Variants in SOX5 observed in about 807,000 individuals in gnomAD.
The protein encoded by SOX5 is transcription factor SOX-5.
SOX5 carries 9 observed loss-of-function variants against 92.0 expected under a neutral mutation model. The ratio of observed to expected loss-of-function variants is 0.10; its 90% CI spans 0.06 to 0.17. SOX5 has a LOEUF of 0.17. Among genes scored for constraint, SOX5 ranks in the 10% least tolerant of loss-of-function variants. The probability of loss-of-function intolerance (pLI) is 1.00; values close to 1 mark genes in which losing one functional copy is unlikely to be tolerated. For synonymous variants in SOX5, 344 were observed against 336.3 expected (o/e 1.02, Z -0.25); for missense variants, 642 against 944.5 (o/e 0.68, Z 4.20).
intron 2 of SOX5, among the ~76,000 whole-genome samples, chr12:24,296,645 A>G (rs1299445971): frequency 1.3e-5 from 2 of 152,162 alleles, no homozygotes; most frequent in Non-Finnish European, 2.9e-5. Context: ...GAGAATTCTG[A>G]TAATTCAACT....
intron 7 of SOX5, among the ~76,000 whole-genome samples, chr12:23,663,518 G>C (rs999557216): frequency 2.6e-5 from 4 of 151,892 alleles, no homozygotes; most frequent in African/African-American, 9.7e-5. Flanking sequence ...TTTGCTAATG[G>C]GACTTACTTC....
In SOX5 at chr12:24,213,823, C is replaced by T. The variant is rs147490323; in HGVS notation, c.-76-406G>A. On this transcript the variant is annotated intron_variant, in intron 3 of 4. Coordinates refer to the SOX5 transcript ENST00000446891. ...AAAGTCATCATATGATTAATTCAGC[C>T]ATGTGAGCATGCATGTGTGATGCAC... Among the ~76,000 whole-genome samples, 319 of 152,150 alleles carry T rather than the reference C, an allele frequency of 2.1e-3. 1 individual carries two copies. Among genetic ancestry groups the T allele is most frequent in the South Asian group, 9.3e-3 (45 of 4,822 alleles).
rs1426575520 is a variant in SOX5, at chr12:23,570,946, T to C, written c.1342+4715A>G. ...AAAAAAAAAAATATATATATATATA[T>C]ATATATATATATATATATATATATA... On this transcript the variant is annotated intron_variant, in intron 10 of 14. Coordinates refer to ENST00000451604, the MANE Select transcript of SOX5 (RefSeq NM_006940.6). 9.9e-3 allele frequency among the ~76,000 whole-genome samples: 78 copies of C among 7,892 alleles called. 14 individuals are homozygous for C. Among genetic ancestry groups the C allele is most frequent in the Non-Finnish European group, 0.017 (55 of 3,196 alleles). The allele number at this position is 7,892 out of a possible 152,430, so 5.2% of individuals were successfully genotyped here. A position where few individuals can be genotyped will look rare whatever the true frequency, so the allele number is the denominator to read the frequency against.
intron 1 of SOX5, among the ~76,000 whole-genome samples, chr12:24,435,770 GTT>G (rs1939301118): frequency 6.6e-6 from 1 of 151,590 alleles, no homozygotes; most frequent in African/African-American, 2.4e-5. Context: ...TTGTTTTTTT[GTT>G]TTCTTTTTAA....
Position 24,556,524 on chromosome 12 carries a change from G to A in SOX5, c.-251+5805C>T, listed in dbSNP as rs181585366. On this transcript the variant is annotated intron_variant, in intron 1 of 4. Transcript: ENST00000446891. ...CTCAGATGGATTTCTTTTTCCACAC[G>A]GACTTTCTGTTTATCCACAGGTACT... 5.9e-3 allele frequency among the ~76,000 whole-genome samples: 898 copies of A among 152,204 alleles called. 12 individuals are homozygous for A. The highest frequency in any genetic ancestry group is 0.019 in the African/African-American group (772 of 41,518).
chr12:23,846,329 T>C, intron 2 of SOX5, 136 bp from the exon 3 acceptor site: 2 of 696,916 alleles, frequency 2.9e-6, no homozygotes, highest in East Asian at 2.7e-5. Flanking sequence ...AAATTGGTTA[T>C]ATGGCTTATT....
intron 3 of SOX5, among the ~76,000 whole-genome samples, chr12:23,844,493 T>C (rs1262349186): frequency 1.3e-5 from 2 of 152,108 alleles, no homozygotes; most frequent in Non-Finnish European, 2.9e-5. Context: ...CCTGCAGCCA[T>C]GACTTCATGC....
At position 24,126,771 on chromosome 12, in the gene SOX5, T is replaced by A. The variant is rs538163295; in HGVS notation, c.-2+86572A>T. ...GCTCTCCACCTTGTCACTGGGCATGTTTGGTCTCTGCTGCCCTCGGGACTC... is the reference window on the plus strand; with the variant it reads ...GCTCTCCACCTTGTCACTGGGCATGATTGGTCTCTGCTGCCCTCGGGACTC... On this transcript the variant is annotated intron_variant, in intron 4 of 4. Coordinates refer to the SOX5 transcript ENST00000446891. 4.6e-5 allele frequency among the ~76,000 whole-genome samples: 7 copies of A among 152,270 alleles called. No homozygotes were observed. The South Asian group carries it at 1.5e-3, about 32-fold the overall frequency.
chr12:23,850,036 G>C (rs1402315711), intron 2 of SOX5, among the ~76,000 whole-genome samples: 2 of 152,152 alleles, frequency 1.3e-5, no homozygotes, highest in Non-Finnish European at 2.9e-5. Flanking sequence ...CATAGAGGTA[G>C]CATAAGATGA....
Position 23,534,419 on chromosome 12 carries a change from C to T in SOX5, c.2092G>A (p.Val698Met), listed in dbSNP as rs141628352. ...SPHLPSEHSS[V>M]SSSPEPGMPV... ...ATCCCAGGCTCTGGGCTGCTAGACACGCTTGAGTGCTCCGAGGGCAGGTGA... is the reference window on the plus strand; with the variant it reads ...ATCCCAGGCTCTGGGCTGCTAGACATGCTTGAGTGCTCCGAGGGCAGGTGA... The change falls in exon 15 of 15, where the codon GTG becomes ATG. Residue 698 changes from valine (V) to methionine (M), a missense_variant. By Grantham distance (21) the Val-to-Met change is conservative. This residue lies in a region of SOX5 where 130 missense variants were observed against 140.6 expected (regional missense o/e 0.92). Coordinates refer to ENST00000451604, the MANE Select transcript of SOX5 (RefSeq NM_006940.6). 394 of 1,613,976 alleles carry T rather than the reference C, an allele frequency of 2.4e-4. No individual in the cohort carries two copies. Among genetic ancestry groups the T allele is most frequent in the South Asian group, 4.0e-4 (36 of 91,066 alleles).
intron 4 of SOX5, among the ~76,000 whole-genome samples, chr12:24,197,760 G>C (rs971900823): frequency 2.0e-5 from 3 of 152,166 alleles, no homozygotes; most frequent in South Asian, 4.1e-4. Context: ...GAGAGAGTTA[G>C]AAGTCTGGGT....
intron 8 of SOX5, among the ~76,000 whole-genome samples, chr12:23,624,574 C>T (rs1486770767): frequency 1.3e-5 from 2 of 152,030 alleles, no homozygotes; most frequent in Admixed American, 6.6e-5. Context: ...ATGGAGGGAG[C>T]GAAAGAACAC....
At chr12:24,249,574 T>G (rs556594635) in intron 3 of SOX5, among the ~76,000 whole-genome samples, 2 of 152,334 alleles carry the variant, frequency 1.3e-5, no homozygotes, top group African/African-American at 4.8e-5. Context: ...ACAACTTTAC[T>G]CATCATTACA....
intron 1 of SOX5, among the ~76,000 whole-genome samples, chr12:24,560,150 T>C (rs1463822656): frequency 2.0e-5 from 3 of 152,142 alleles, no homozygotes; most frequent in Non-Finnish European, 2.9e-5. Flanking sequence ...GGAACAAGGT[T>C]GTTAGAAGAG....
At chr12:23,617,182 A>G (rs1331517907) in intron 8 of SOX5, among the ~76,000 whole-genome samples, 1 of 151,810 alleles carries the variant, frequency 6.6e-6, no homozygotes, top group Admixed American at 6.6e-5. Flanking sequence ...ATCAGGGGAA[A>G]AATGTTACCA....
chr12:24,038,343 A>G (rs966609532), intron 4 of SOX5, among the ~76,000 whole-genome samples: 1 of 152,072 alleles, frequency 6.6e-6, no homozygotes, highest in African/African-American at 2.4e-5. Context: ...TGACAATACC[A>G]ATTCTAGAAA....
At chr12:24,427,796 C>T (rs1221734531) in intron 1 of SOX5, among the ~76,000 whole-genome samples, 1 of 152,106 alleles carries the variant, frequency 6.6e-6, no homozygotes, top group Non-Finnish European at 1.5e-5. Flanking sequence ...AAATATCTAC[C>T]AGCGCTTGAT....
In SOX5 at chr12:24,037,702, A is replaced by G. The variant is rs533727636; in HGVS notation, c.-1-141678T>C. On this transcript the variant is annotated intron_variant, in intron 4 of 4. Transcript: ENST00000446891. ...CAAAAGTTAAATATAAAATTTTAGG[A>G]AAAGATGTTACATGTCATGAATGTG... is the stretch of plus-strand genomic sequence containing the variant. 7.2e-5 allele frequency among the ~76,000 whole-genome samples: 11 copies of G among 152,334 alleles called. No homozygotes were observed. The South Asian group carries it at 2.3e-3, about 32-fold the overall frequency.
chr12:23,671,853 G>C (rs981136891), intron 6 of SOX5, among the ~76,000 whole-genome samples: 1 of 152,048 alleles, frequency 6.6e-6, no homozygotes, highest in African/African-American at 2.4e-5. Context: ...TCAAGACAAA[G>C]ACAAAGTAGC....
Sources: gnomAD v4.1 joint callset for allele counts (sites outside exome capture counted in the v4.1 genomes callset) on GRCh38, gnomAD v4.1.1 for gene constraint, gnomAD v4.1.1 regional missense constraint, MANE v1.5 for transcripts, NCBI Gene and HGNC (gene_info 2026-07-23, HGNC 2026-07-21) for gene names.